The following HNRNPM variants were observed in gnomAD, a reference collection of about 807,000 sequenced individuals.
HNRNPM encodes the protein CEA receptor.
Under a neutral mutation model 73.1 loss-of-function variants are expected in HNRNPM, and 11 were observed. The observed-to-expected ratio is 0.15, with a 90% CI of 0.09 to 0.25. The LOEUF (loss-of-function observed/expected upper bound fraction) is 0.25, where lower values mean the gene tolerates loss of function less well. HNRNPM is among the 10% of genes least tolerant of loss of function. The pLI is 1.00. For synonymous variants in HNRNPM, 407 were observed against 355.2 expected, an observed-to-expected ratio of 1.15 and a Z score of -1.64; for missense variants, 789 against 1,067.9, an observed-to-expected ratio of 0.74 and a Z score of 3.64.
intron 13 of HNRNPM, 52 bp downstream of exon 13, chr19:8,483,263 C>T (rs752462975): frequency 1.4e-6 from 2 of 1,397,856 alleles, no homozygotes; most frequent in Admixed American, 1.7e-5. Flanking sequence ...GCTGTTATCG[C>T]TGGGGACTGT....
Position 8,479,096 on chromosome 19 carries a change from T to TTTTTTTC in HNRNPM, c.1121-4061_1121-4055dup, listed in dbSNP as rs1568294248. 1.5e-3 allele frequency among the ~76,000 whole-genome samples: 186 copies of TTTTTTTC among 126,910 alleles called. 22 individuals carry two copies. Among genetic ancestry groups the TTTTTTTC allele is most frequent in the East Asian group, 2.5e-3 (11 of 4,346 alleles). 83.3% of individuals were successfully genotyped at this position (126,910 alleles called of 152,430 possible). The stretch of plus-strand genomic sequence containing the variant: ...TTTCTTTCTTTTTTTTTTTTTTTTT[T>TTTTTTTC]TTTTTTCAAGACAGAGTCTCGCTTT... On this transcript the variant is annotated intron_variant, in intron 12 of 15. Transcript: ENST00000325495.
intron 14 of HNRNPM, 47 bp downstream of exon 14, chr19:8,486,452 A>G (rs748643386): frequency 1.4e-6 from 2 of 1,476,524 alleles, no homozygotes; most frequent in Admixed American, 4.3e-5. Flanking sequence ...GCATGAGGGG[A>G]CAGGGGAGGC....
intron 13 of HNRNPM, 106 bp downstream of exon 13, chr19:8,483,317 G>C: frequency 2.4e-6 from 2 of 834,988 alleles, no homozygotes; most frequent in Non-Finnish European, 4.1e-6. Context: ...CAGACTGCCC[G>C]GGGTGGGAGC....
rs756327790 is a variant in HNRNPM, at chr19:8,467,856, C to G, written c.834+272C>G. Among the ~76,000 whole-genome samples the G allele has an allele frequency of 1.3e-5, 2 of 151,984 alleles. 1 individual carries two copies. The highest frequency in any genetic ancestry group is 4.2e-4 in the South Asian group (2 of 4,812). On this transcript the variant is annotated intron_variant, in intron 8 of 15. Transcript: ENST00000325495. ...CCTGACCAACGTGGTGGAACTCCTCCGTCTCTACTAAAAATACAAAAATTA... is the reference window on the plus strand; with the variant it reads ...CCTGACCAACGTGGTGGAACTCCTCGGTCTCTACTAAAAATACAAAAATTA...
At chr19:8,450,706 T>A (rs921052057) in intron 1 of HNRNPM, among the ~76,000 whole-genome samples, 1 of 129,362 alleles carries the variant, frequency 7.7e-6, no homozygotes, top group South Asian at 2.7e-4. Flanking sequence ...TAATTTAATT[T>A]AATTAATTAT....
chr19:8,457,556 T>G (rs1969106440), intron 2 of HNRNPM, among the ~76,000 whole-genome samples: 1 of 152,346 alleles, frequency 6.6e-6, no homozygotes, highest in Non-Finnish European at 1.5e-5. Flanking sequence ...CTGGTTAAAT[T>G]AATTACTTTG....
chr19:8,450,711 A>ATT (rs1489247058), intron 1 of HNRNPM, among the ~76,000 whole-genome samples: 157 of 124,736 alleles, frequency 1.3e-3, no homozygotes, highest in South Asian at 9.3e-3. Flanking sequence ...TAATTTAATT[A>ATT]ATTATTATTA....
chr19:8,446,077 TC>T (rs770447682), intron 1 of HNRNPM, among the ~76,000 whole-genome samples: 3 of 152,212 alleles, frequency 2.0e-5, no homozygotes, highest in Non-Finnish European at 4.4e-5. Flanking sequence ...GGCTCCAAGA[TC>T]AGCGGCCGGG....
intron 8 of HNRNPM, 80 bp from the exon 9 acceptor site, chr19:8,468,694 G>A (rs1969927893): frequency 9.7e-6 from 10 of 1,035,486 alleles, no homozygotes; most frequent in Non-Finnish European, 1.5e-5. Flanking sequence ...CTCTCTTGAT[G>A]GGGGGCCATT....
intron 2 of HNRNPM, among the ~76,000 whole-genome samples, chr19:8,458,140 G>T (rs1969152573): frequency 6.6e-6 from 1 of 152,072 alleles, no homozygotes; most frequent in Non-Finnish European, 1.5e-5. Flanking sequence ...GATACTCCGG[G>T]GGGAGATTGT....
At chr19:8,480,638 G>A (rs1368159682) in intron 12 of HNRNPM, among the ~76,000 whole-genome samples, 1 of 151,522 alleles carries the variant, frequency 6.6e-6, no homozygotes, top group East Asian at 1.9e-4. Context: ...ACTCTAGCCT[G>A]GGCGACAGAG....
intron 1 of HNRNPM, among the ~76,000 whole-genome samples, chr19:8,447,649 C>T (rs1968296675): frequency 6.6e-6 from 1 of 152,064 alleles, no homozygotes; most frequent in Non-Finnish European, 1.5e-5. Flanking sequence ...CTTTGGGAGG[C>T]TGAGGTGAGA....
At chr19:8,452,426 G>A (rs1052346089) in intron 1 of HNRNPM, among the ~76,000 whole-genome samples, 10 of 152,108 alleles carry the variant, frequency 6.6e-5, no homozygotes, top group South Asian at 6.2e-4. Flanking sequence ...TAACACAGTC[G>A]TCGTCATTTT....
chr19:8,455,638 C>T, intron 2 of HNRNPM, 64 bp downstream of exon 2: 1 of 1,416,442 alleles, frequency 7.1e-7, no homozygotes, highest in Non-Finnish European at 9.8e-7. Flanking sequence ...GTGGCTAATT[C>T]CTTGGTTATT....
chr19:8,450,939 T>G (rs1968572182), intron 1 of HNRNPM, among the ~76,000 whole-genome samples: 1 of 151,830 alleles, frequency 6.6e-6, no homozygotes. Flanking sequence ...GGAGTTTCAC[T>G]CTTGTCGCCC....
chr19:8,450,559 G>C (rs1249572000), intron 1 of HNRNPM, among the ~76,000 whole-genome samples: 2 of 151,978 alleles, frequency 1.3e-5, no homozygotes, highest in Admixed American at 6.6e-5. Flanking sequence ...ACAGGCACAT[G>C]GTACCATGCC....
rs1432200009 is a variant in HNRNPM at position 8,486,138 on chromosome 19, C to T, written c.1710C>T (p.Arg570=). 1 of 1,605,196 alleles carries T rather than the reference C, an allele frequency of 6.2e-7. No homozygotes were observed. The highest frequency in any genetic ancestry group is 8.5e-7 in the Non-Finnish European group (1 of 1,178,740). ...ATCTGGAGCGGATGGGCCTGGAGCG[C>T]ATGGGCGCCAACAGCCTCGAGCGCA... ...ANNLERMGLE[R]MGANSLERMG... Residue 570 remains arginine (R), a synonymous_variant, in exon 14 of 16, where the codon CGC becomes CGT. Coordinates refer to ENST00000325495, the MANE Select transcript of HNRNPM (RefSeq NM_005968.5).
intron 14 of HNRNPM, 120 bp downstream of exon 14, chr19:8,486,525 T>C (rs1971322992): frequency 1.2e-6 from 1 of 804,442 alleles, no homozygotes; most frequent in Non-Finnish European, 1.9e-6. Context: ...TCCTTGCCAC[T>C]GTCCCAAACG....
chr19:8,446,054 A>G (rs550604126), intron 1 of HNRNPM, among the ~76,000 whole-genome samples: 1 of 152,346 alleles, frequency 6.6e-6, no homozygotes, highest in Non-Finnish European at 1.5e-5. Context: ...CTTAAGAGAG[A>G]CAGAGAGGTT....
Sources: allele counts gnomAD v4.1 joint callset (sites outside exome capture counted in the v4.1 genomes callset), GRCh38; gene constraint gnomAD v4.1.1; transcripts MANE v1.5; gene names NCBI Gene and HGNC (gene_info 2026-07-23, HGNC 2026-07-21).